Variants in PCDHA3 observed in about 807,000 individuals in gnomAD.
PCDHA3 encodes the protein protocadherin alpha-3.
A neutral mutation model predicts 62.2 loss-of-function variants in PCDHA3; 41 were observed. The observed-to-expected ratio is 0.66, with a 90% CI of 0.51 to 0.86. PCDHA3 has a LOEUF of 0.86. Ranked by LOEUF, PCDHA3 falls within the 40% of genes least tolerant of loss-of-function variation. The pLI is 0.00. For missense variants in PCDHA3, 1,304 were observed against 1,241.2 expected (o/e 1.05, Z -0.76); for synonymous variants, 640 against 555.4 (o/e 1.15, Z -2.14).
In PCDHA3 at chr5:140,843,632, G is replaced by A. The variant is rs2150363931; in HGVS notation, c.2394+40041G>A. 5 of 1,595,852 alleles carry A rather than the reference G, an allele frequency of 3.1e-6. No homozygotes were observed. In the African/African-American group the frequency reaches 4.0e-5, roughly 13 times the overall value. ...GGGGCCACCGAAGACGGACCTCATG[G>A]CCTTCAGCCCCTGCCTTCCTCCTGA... On this transcript the variant is annotated intron_variant, in intron 1 of 3. Transcript: ENST00000522353.
rs1554142981 is a variant in PCDHA3, at chr5:140,849,496, G to A, written c.2394+45905G>A. The A allele has an allele frequency of 6.3e-7, 1 of 1,593,496 alleles. No individual in the cohort carries two copies. Among genetic ancestry groups the A allele is most frequent in the South Asian group, 1.1e-5 (1 of 90,348 alleles). ...GGCTTCCCACCCCTGGCTGGTCATT[G>A]TACACTTCTTGTGGAAGTTGTGGAT... is the stretch of plus-strand genomic sequence containing the variant. On this transcript the variant is annotated intron_variant, in intron 1 of 3. Coordinates refer to ENST00000522353, the MANE Select transcript of PCDHA3 (RefSeq NM_018906.3).
chr5:140,843,045 G>A (rs1219663342), intron 1 of PCDHA3: 1 of 1,594,956 alleles, frequency 6.3e-7, no homozygotes, highest in Non-Finnish European at 8.6e-7. Flanking sequence ...GGCACTGGTG[G>A]CGCAGCGAGC....
chr5:140,942,633 G>T (rs1554215141), intron 1 of PCDHA3, among the ~76,000 whole-genome samples: 1 of 151,380 alleles, frequency 6.6e-6, no homozygotes, highest in Non-Finnish European at 1.5e-5. Context: ...AAAAAAAATG[G>T]CAAAAGAGAT....
chr5:140,874,970 G>T (rs186825854), intron 1 of PCDHA3, among the ~76,000 whole-genome samples: 6 of 152,162 alleles, frequency 3.9e-5, no homozygotes, highest in Non-Finnish European at 7.4e-5. Flanking sequence ...AAGGGGAGGG[G>T]TGCTGTATAT....
chr5:140,840,878 T>A (rs1554137939), intron 1 of PCDHA3, among the ~76,000 whole-genome samples: 1 of 152,022 alleles, frequency 6.6e-6, no homozygotes, highest in African/African-American at 2.4e-5. Flanking sequence ...ACAGTTTACA[T>A]TTCTGATATC....
rs567637148 is a variant in PCDHA3, at chr5:140,861,555, G to A, written c.2394+57964G>A. The A allele has an allele frequency of 2.5e-5, 10 of 403,260 alleles. No individual in the cohort carries two copies. The East Asian group carries it at 5.2e-4, about 21-fold the overall frequency. 25.0% of individuals were successfully genotyped at this position (403,260 alleles called of 1,614,324 possible). ...GTGCAGCATCCACCTGGAAGTGATC[G>A]TGGACAAGCTGCTACAGGTTTTCCA... On this transcript the variant is annotated intron_variant, in intron 1 of 3. Transcript: ENST00000522353.
At chr5:140,968,920 A>G (rs781931367) in intron 1 of PCDHA3, 1 of 1,614,120 alleles carries the variant, frequency 6.2e-7, no homozygotes, top group Admixed American at 1.7e-5. Flanking sequence ...TGTCTTTTAT[A>G]TTTCTTTTGA....
chr5:140,872,711 G>A (rs968537483), intron 1 of PCDHA3, among the ~76,000 whole-genome samples: 1 of 152,206 alleles, frequency 6.6e-6, no homozygotes, highest in South Asian at 2.1e-4. Context: ...AAGGAAACTA[G>A]GTAAATAAAA....
At chr5:140,850,385 G>A (rs2150481955) in intron 1 of PCDHA3, 4 of 1,598,006 alleles carry the variant, frequency 2.5e-6, no homozygotes, top group South Asian at 1.1e-5. Flanking sequence ...ACACGGGCGA[G>A]ATCAGCACAA....
At chr5:140,850,622 C>G in intron 1 of PCDHA3, 1 of 1,598,590 alleles carries the variant, frequency 6.3e-7, no homozygotes, top group Non-Finnish European at 8.6e-7. Flanking sequence ...CGGTGTCTAG[C>G]CTGTTGGTTC....
intron 1 of PCDHA3, chr5:140,853,127 C>A: frequency 1.7e-6 from 1 of 580,840 alleles, no homozygotes; most frequent in Non-Finnish European, 2.2e-6. Context: ...GATCCTCCCG[C>A]CTCAGCCTCC....
intron 1 of PCDHA3, among the ~76,000 whole-genome samples, chr5:140,872,191 T>A (rs1168972133): frequency 1.3e-5 from 2 of 152,162 alleles, no homozygotes; most frequent in Non-Finnish European, 1.5e-5. Flanking sequence ...GTGTTAAACG[T>A]TCATCATAAA....
At chr5:140,851,891 A>T (rs1554145590) in intron 1 of PCDHA3, 4 of 976,308 alleles carry the variant, frequency 4.1e-6, no homozygotes, top group East Asian at 1.1e-4. Flanking sequence ...TGGATATGAG[A>T]TTTGCCTCTT....
chr5:140,851,003 GA>G (rs2041919886), intron 1 of PCDHA3: 1 of 1,437,650 alleles, frequency 7.0e-7, no homozygotes. Flanking sequence ...AAATCCAGCA[GA>G]TTTTTTTTCT....
intron 1 of PCDHA3, chr5:140,805,257 TG>T: frequency 7.7e-7 from 1 of 1,297,974 alleles, no homozygotes; most frequent in Non-Finnish European, 9.8e-7. Flanking sequence ...TTAAAATACC[TG>T]GTAAATGAAA....
At chr5:140,836,242 T>C in intron 1 of PCDHA3, 1 of 1,613,606 alleles carries the variant, frequency 6.2e-7, no homozygotes, top group South Asian at 1.1e-5. Flanking sequence ...GGTGCGAGCA[T>C]CCCGTTCCGC....
intron 1 of PCDHA3, chr5:140,850,590 TA>T: frequency 6.3e-7 from 1 of 1,598,434 alleles, no homozygotes; most frequent in Non-Finnish European, 8.6e-7. Flanking sequence ...TGTCAACGTG[TA>T]CCTGATCATC....
chr5:140,932,593 A>T (rs1347990722), intron 1 of PCDHA3, among the ~76,000 whole-genome samples: 1 of 151,922 alleles, frequency 6.6e-6, no homozygotes, highest in South Asian at 2.1e-4. Context: ...GATGTTTTGT[A>T]TATCTATTTT....
chr5:140,883,806 A>T (rs1554180079), intron 1 of PCDHA3: 1 of 1,612,344 alleles, frequency 6.2e-7, no homozygotes, highest in East Asian at 2.2e-5. Flanking sequence ...GTGCACGCGG[A>T]GAGCGGCAAG....
Sources: gnomAD v4.1 joint callset for allele counts (sites outside exome capture counted in the v4.1 genomes callset) on GRCh38, gnomAD v4.1.1 for gene constraint, MANE v1.5 for transcripts, NCBI Gene and HGNC (gene_info 2026-07-23, HGNC 2026-07-21) for gene names.